C10orf90: variants seen among roughly 807,000 people sequenced by gnomAD.
C10orf90 encodes the protein chromosome 10 open reading frame 90.
Under a neutral mutation model 62.5 loss-of-function variants are expected in C10orf90, and 56 were observed. The ratio of observed to expected loss-of-function variants is 0.90; its 90% CI spans 0.72 to 1.12. The LOEUF (loss-of-function observed/expected upper bound fraction) is 1.12, where lower values mean the gene tolerates loss of function less well. Among genes scored for constraint, C10orf90 ranks in the 50% most tolerant of loss-of-function variants. C10orf90 has a pLI of 0.00. For missense variants in C10orf90, 970 were observed against 880.4 expected (o/e 1.10, Z -1.29); for synonymous variants, 386 against 340.4 (o/e 1.13, Z -1.47).
chr10:126,509,902 G>C (rs1276493156), intron 3 of C10orf90, among the ~76,000 whole-genome samples: 1 of 152,148 alleles, frequency 6.6e-6, no homozygotes, highest in African/African-American at 2.4e-5. Context: ...CACACTGTGT[G>C]ACTTAAACAA....
intron 4 of C10orf90, among the ~76,000 whole-genome samples, chr10:126,502,426 T>C (rs910274076): frequency 5.9e-5 from 9 of 152,214 alleles, no homozygotes; most frequent in African/African-American, 1.4e-4. Flanking sequence ...AAATTTATAC[T>C]ATTTGCCTAA....
chr10:126,569,776 G>A (rs887857912), intron 2 of C10orf90, among the ~76,000 whole-genome samples: 4 of 152,084 alleles, frequency 2.6e-5, no homozygotes, highest in Non-Finnish European at 5.9e-5. Flanking sequence ...ACCAAAACAT[G>A]GAAAATAGCT....
At chr10:126,440,740 C>G (rs531819239) in intron 7 of C10orf90, among the ~76,000 whole-genome samples, 182 of 152,300 alleles carry the variant, frequency 1.2e-3, no homozygotes, top group African/African-American at 4.3e-3. Flanking sequence ...CCCCCAGTAC[C>G]AGCCTGGAGC....
At chr10:126,556,411 A>G (rs1410698645) in intron 2 of C10orf90, among the ~76,000 whole-genome samples, 14 of 152,216 alleles carry the variant, frequency 9.2e-5, no homozygotes, top group Admixed American at 1.3e-4. Flanking sequence ...AGATATTTTC[A>G]GATGCTGTTC....
At chr10:126,633,275 C>T (rs1347509357) in intron 2 of C10orf90, among the ~76,000 whole-genome samples, 1 of 152,218 alleles carries the variant, frequency 6.6e-6, no homozygotes, top group East Asian at 1.9e-4. Flanking sequence ...AGGCCTAGGA[C>T]ATCCCAGGGC....
chr10:126,471,581 A>G (rs1034462115), intron 4 of C10orf90, among the ~76,000 whole-genome samples: 3 of 152,216 alleles, frequency 2.0e-5, no homozygotes, highest in Non-Finnish European at 4.4e-5. Flanking sequence ...ATGCAAATTC[A>G]GTGATCAGAA....
intron 1 of C10orf90, among the ~76,000 whole-genome samples, chr10:126,649,076 C>G (rs535552330): frequency 2.4e-5 from 1 of 41,972 alleles, no homozygotes; most frequent in Admixed American, 2.9e-4. Context: ...CTCTCTCCCC[C>G]CCCCCCAGCA....
rs376852802 is a variant in C10orf90, at chr10:126,605,587, C to T, written c.313+40978G>A. Among the ~76,000 whole-genome samples the T allele has an allele frequency of 1.4e-4, 22 of 152,318 alleles. No homozygotes were observed. In the South Asian group the frequency reaches 2.1e-3, roughly 14 times the overall value. On this transcript the variant is annotated intron_variant, in intron 2 of 9. Transcript: ENST00000488181. ...GTTGAATCCTCGCAGCTCCTAGCCC[C>T]TAGCTCTGCAGAGAATGTGGATCCA...
At chr10:126,493,973 T>G (rs2133848056) in intron 4 of C10orf90, among the ~76,000 whole-genome samples, 1 of 152,348 alleles carries the variant, frequency 6.6e-6, no homozygotes, top group Non-Finnish European at 1.5e-5. Flanking sequence ...GATGCTCCAC[T>G]GTTCACAGCT....
chr10:126,666,718 C>A lies in C10orf90; in HGVS notation c.240+3523G>T, dbSNP rs1463212441. Among the ~76,000 whole-genome samples, 2 of 152,180 alleles carry A rather than the reference C, an allele frequency of 1.3e-5. 1 individual carries two copies. Among genetic ancestry groups the A allele is most frequent in the South Asian group, 4.2e-4 (2 of 4,806 alleles). ...ATGAGGCCAGGCACGGTGGCTCACA[C>A]CTGTAATCCCAGCACTTTGGGAGAT... On this transcript the variant is annotated intron_variant, in intron 1 of 9. Transcript: ENST00000488181.
intron 7 of C10orf90, among the ~76,000 whole-genome samples, chr10:126,437,388 C>T (rs907268991): frequency 6.6e-6 from 1 of 152,170 alleles, no homozygotes; most frequent in African/African-American, 2.4e-5. Flanking sequence ...TATACCAGGT[C>T]ATCGAAATCA....
chr10:126,528,685 C>T (rs575222327), intron 2 of C10orf90, among the ~76,000 whole-genome samples: 11 of 152,266 alleles, frequency 7.2e-5, no homozygotes, highest in South Asian at 2.1e-4. Flanking sequence ...TCCTCATCTG[C>T]GAAATGGGCT....
chr10:126,640,021 T>G (rs546950229), intron 2 of C10orf90, among the ~76,000 whole-genome samples: 116 of 152,286 alleles, frequency 7.6e-4, no homozygotes, highest in African/African-American at 2.7e-3. Flanking sequence ...GGCCGGATGG[T>G]CTATTTTCTC....
intron 2 of C10orf90, among the ~76,000 whole-genome samples, chr10:126,577,573 A>G (rs561700180): frequency 6.6e-6 from 1 of 152,200 alleles, no homozygotes; most frequent in African/African-American, 2.4e-5. Context: ...AGAAGACCTG[A>G]CTTTGTAAAG....
intron 2 of C10orf90, among the ~76,000 whole-genome samples, chr10:126,576,874 T>A (rs1203351426): frequency 6.6e-6 from 1 of 150,716 alleles, no homozygotes; most frequent in Non-Finnish European, 1.5e-5. Context: ...AGGACATTAT[T>A]TTAAGTGAAA....
chr10:126,457,154 A>G (rs1859639025), intron 7 of C10orf90, among the ~76,000 whole-genome samples: 1 of 152,020 alleles, frequency 6.6e-6, no homozygotes, highest in Non-Finnish European at 1.5e-5. Flanking sequence ...ACACCTGGCC[A>G]ATTTTTGTAC....
At position 126,503,992 on chromosome 10, in the gene C10orf90, AGTT is replaced by A; in HGVS notation, c.1496_1498del (p.Gln499del). The stretch of plus-strand genomic sequence containing the variant: ...ACTCCAGCCAGGAATGTGAATGGAC[AGTT>A]GGTTGGCATGATCGCTGGCGTGACA... On this transcript the variant is annotated inframe_deletion, in exon 4 of 10. Coordinates refer to ENST00000488181, the MANE Select transcript of C10orf90 (RefSeq NM_001350921.2). 1 of 1,613,064 alleles carries A rather than the reference AGTT, an allele frequency of 6.2e-7. No individual in the cohort carries two copies. The highest frequency in any genetic ancestry group is 1.1e-5 in the South Asian group (1 of 90,920).
intron 4 of C10orf90, among the ~76,000 whole-genome samples, chr10:126,496,200 G>T (rs569454473): frequency 3.3e-5 from 5 of 152,158 alleles, no homozygotes; most frequent in Admixed American, 3.3e-4. Flanking sequence ...CATTAATAAT[G>T]ACTCTCTCCT....
intron 8 of C10orf90, among the ~76,000 whole-genome samples, chr10:126,428,615 G>C (rs552888742): frequency 1.3e-5 from 2 of 152,050 alleles, no homozygotes; most frequent in African/African-American, 4.8e-5. Flanking sequence ...TAAAATGATA[G>C]GGCAATACTC....
Sources: allele counts gnomAD v4.1 joint callset (sites outside exome capture counted in the v4.1 genomes callset), GRCh38; gene constraint gnomAD v4.1.1; transcripts MANE v1.5; gene names NCBI Gene and HGNC (gene_info 2026-07-23, HGNC 2026-07-21).